Variants in QTMAN observed in about 807,000 individuals in gnomAD.
QTMAN encodes the protein tRNA-queuosine alpha-mannosyltransferase.
the QTMAN span, among the ~76,000 whole-genome samples, chr2:144,265,673 C>A: frequency 6.6e-6 from 1 of 152,064 alleles, no homozygotes; most frequent in Admixed American, 6.6e-5. Context: ...TCCAGCCTGG[C>A]AACAGGGCGA....
chr2:144,268,816 C>CAAAAAAAAAAA, the QTMAN span, among the ~76,000 whole-genome samples: 1 of 151,524 alleles, frequency 6.6e-6, no homozygotes, highest in African/African-American at 2.4e-5. Flanking sequence ...TGTTTTTTGA[C>CAAAAAAAAAAA]TCTCGCTCTG....
At chr2:144,314,287 T>C in the QTMAN span, among the ~76,000 whole-genome samples, 1 of 152,138 alleles carries the variant, frequency 6.6e-6, no homozygotes, top group Non-Finnish European at 1.5e-5. Context: ...AGAAGTCAGA[T>C]ACAAAAGGGT....
chr2:144,005,464 AT>A, the QTMAN span, among the ~76,000 whole-genome samples: 1 of 152,072 alleles, frequency 6.6e-6, no homozygotes, highest in Non-Finnish European at 1.5e-5. Flanking sequence ...CATCAGTAAA[AT>A]TGACTGCACG....
At chr2:144,093,674 C>T in the QTMAN span, among the ~76,000 whole-genome samples, 1 of 152,122 alleles carries the variant, frequency 6.6e-6, no homozygotes, top group African/African-American at 2.4e-5. Flanking sequence ...AAATAAGTTA[C>T]ATGGACCTGA....
At chr2:144,219,577 T>C in the QTMAN span, among the ~76,000 whole-genome samples, 34 of 152,220 alleles carry the variant, frequency 2.2e-4, 1 homozygote, top group East Asian at 6.6e-3. Context: ...TCCCAGCACT[T>C]TGGGAGGCCA....
chr2:143,943,438 G>A, the QTMAN span: 2 of 152,236 alleles, frequency 1.3e-5, no homozygotes, highest in African/African-American at 2.4e-5. Context: ...AAGACCCACA[G>A]TGTATGTCAG....
At chr2:144,232,618 T>A in the QTMAN span, among the ~76,000 whole-genome samples, 1 of 152,178 alleles carries the variant, frequency 6.6e-6, no homozygotes, top group Non-Finnish European at 1.5e-5. Flanking sequence ...ATCAATCTCC[T>A]TCTATAAAAA....
the QTMAN span, among the ~76,000 whole-genome samples, chr2:144,104,294 C>T: frequency 5.3e-5 from 8 of 152,044 alleles, no homozygotes; most frequent in African/African-American, 1.9e-4. Context: ...AAGCATGAGC[C>T]GAAGCAGGGC....
chr2:144,017,771 A>G, the QTMAN span, among the ~76,000 whole-genome samples: 1 of 152,184 alleles, frequency 6.6e-6, no homozygotes, highest in African/African-American at 2.4e-5. Flanking sequence ...ATGGCATTTA[A>G]TCGTTACTAG....
At chr2:144,320,528 A>G in the QTMAN span, among the ~76,000 whole-genome samples, 1 of 152,152 alleles carries the variant, frequency 6.6e-6, no homozygotes, top group African/African-American at 2.4e-5. Context: ...AGGGGTTAAT[A>G]TTGACTTTGG....
At chr2:144,290,431 A>G in the QTMAN span, among the ~76,000 whole-genome samples, 1 of 152,100 alleles carries the variant, frequency 6.6e-6, no homozygotes, top group Non-Finnish European at 1.5e-5. Flanking sequence ...CCATTCCACA[A>G]TCCTCCTTTC....
chr2:144,177,302 T>A, the QTMAN span: 1 of 629,932 alleles, frequency 1.6e-6, no homozygotes, highest in East Asian at 2.7e-5. Context: ...GACAAACTGA[T>A]TCTAATTTTC....
At chr2:144,279,031 A>T in the QTMAN span, among the ~76,000 whole-genome samples, 1 of 152,188 alleles carries the variant, frequency 6.6e-6, no homozygotes, top group Non-Finnish European at 1.5e-5. Flanking sequence ...ACTCTGCCAA[A>T]GATTACTGCT....
At chr2:144,036,479 C>A in the QTMAN span, among the ~76,000 whole-genome samples, 2 of 152,078 alleles carry the variant, frequency 1.3e-5, no homozygotes, top group African/African-American at 4.8e-5. Context: ...TTGTGTAATT[C>A]TATTAAATTT....
the QTMAN span, among the ~76,000 whole-genome samples, chr2:143,948,818 CT>C: frequency 1.3e-5 from 2 of 152,012 alleles, no homozygotes; most frequent in African/African-American, 4.8e-5. Flanking sequence ...TTAGCTGATT[CT>C]TTTATGATTA....
the QTMAN span, among the ~76,000 whole-genome samples, chr2:144,224,822 A>G: frequency 6.6e-6 from 1 of 152,220 alleles, no homozygotes; most frequent in East Asian, 1.9e-4. Flanking sequence ...ACATTCTAAA[A>G]ATTAAAGTAA....
the QTMAN span, among the ~76,000 whole-genome samples, chr2:144,296,977 T>A: frequency 6.6e-6 from 1 of 152,210 alleles, no homozygotes; most frequent in African/African-American, 2.4e-5. Flanking sequence ...GGAAAAGACT[T>A]AGCTTAGTTT....
chr2:144,327,418 G>A, the QTMAN span, among the ~76,000 whole-genome samples: 1 of 152,106 alleles, frequency 6.6e-6, no homozygotes, highest in Non-Finnish European at 1.5e-5. Flanking sequence ...GAAAAAGGCA[G>A]AAAATTAAAC....
At chr2:144,325,983 A>G in the QTMAN span, among the ~76,000 whole-genome samples, 1 of 152,242 alleles carries the variant, frequency 6.6e-6, no homozygotes, top group East Asian at 1.9e-4. Context: ...CCTCAAAACA[A>G]TAACTGGGAT....
Sources: allele counts gnomAD v4.1 joint callset (sites outside exome capture counted in the v4.1 genomes callset), GRCh38; gene constraint gnomAD v4.1.1; transcripts MANE v1.5; gene names NCBI Gene and HGNC (gene_info 2026-07-23, HGNC 2026-07-21).